Variants in FMN1 observed in about 807,000 individuals in gnomAD.
The protein encoded by FMN1 is formin 1.
FMN1 carries 110 observed loss-of-function variants against 132.4 expected under a neutral mutation model. The ratio of observed to expected loss-of-function variants is 0.83; its 90% CI spans 0.71 to 0.97. FMN1 has a LOEUF of 0.97. Ranked by LOEUF, FMN1 falls within the 50% of genes least tolerant of loss-of-function variation. The probability of loss-of-function intolerance (pLI) is 0.00; values close to 1 mark genes in which losing one functional copy is unlikely to be tolerated. For synonymous variants in FMN1, 722 were observed against 651.7 expected (o/e 1.11, Z -1.64); for missense variants, 1,792 against 1,705.3 (o/e 1.05, Z -0.90).
intron 4 of FMN1, among the ~76,000 whole-genome samples, chr15:33,104,661 C>G (rs2039416592): frequency 2.0e-5 from 3 of 151,962 alleles, no homozygotes; most frequent in Admixed American, 1.3e-4. Flanking sequence ...ATTCCTGAAG[C>G]AATGTTTTCC....
intron 9 of FMN1, among the ~76,000 whole-genome samples, chr15:32,950,583 T>C (rs766566161): frequency 3.3e-5 from 5 of 151,998 alleles, no homozygotes; most frequent in Non-Finnish European, 5.9e-5. Context: ...TAAACTAACA[T>C]AGGAACAGAA....
At chr15:33,143,572 G>A (rs1964093911) in intron 4 of FMN1, among the ~76,000 whole-genome samples, 1 of 152,082 alleles carries the variant, frequency 6.6e-6, no homozygotes, top group Admixed American at 6.5e-5. Context: ...ATCACTAGCA[G>A]AAACAGGTTC....
chr15:33,066,594 T>C, intron 5 of FMN1: 1 of 1,613,622 alleles, frequency 6.2e-7, no homozygotes. Context: ...TCATGTCTCA[T>C]CTTGCGCTTG....
chr15:33,120,996 G>GT (rs1962499623), intron 4 of FMN1, among the ~76,000 whole-genome samples: 1 of 151,994 alleles, frequency 6.6e-6, no homozygotes. Flanking sequence ...CTTGATAGAG[G>GT]TTTTAGTCTT....
chr15:33,033,070 G>T (rs973480980), intron 6 of FMN1, among the ~76,000 whole-genome samples: 2 of 152,198 alleles, frequency 1.3e-5, no homozygotes, highest in South Asian at 2.1e-4. Flanking sequence ...TCGCTCTGTC[G>T]CCCAGGATGG....
chr15:32,812,318 A>G (rs567435356), intron 17 of FMN1, among the ~76,000 whole-genome samples: 24 of 152,258 alleles, frequency 1.6e-4, no homozygotes, highest in Admixed American at 1.0e-3. Context: ...TTATAATATT[A>G]AGTCATTTAC....
At chr15:32,774,426 T>A in intron 20 of FMN1, 72 bp from the exon 21 acceptor site, 2 of 1,381,670 alleles carry the variant, frequency 1.4e-6, no homozygotes, top group Non-Finnish European at 1.0e-6. Flanking sequence ...TTCTCAAATT[T>A]TGGTCTAGAA....
rs1964550008 is a variant in FMN1 at position 33,153,772 on chromosome 15, A to T, written c.1143T>A (p.His381Gln). 3 of 1,536,210 alleles carry T rather than the reference A, an allele frequency of 2.0e-6. No individual in the cohort carries two copies. In the African/African-American group the frequency reaches 4.1e-5, roughly 21 times the overall value. Residue 381 changes from histidine to glutamine, a missense_variant, in exon 4 of 21, where the codon CAT becomes CAA. Coordinates refer to ENST00000616417, the MANE Select transcript of FMN1 (RefSeq NM_001277313.2). ...LTLPGAEAGA[H>Q]GSRRQGKERQ... ...GCTCCTTGCCCTGCCGCCTGGAGCC[A>T]TGAGCCCCAGCCTCAGCTCCCGGGA... is the stretch of plus-strand genomic sequence containing the variant.
chr15:32,963,401 C>T (rs1017256864), intron 9 of FMN1, among the ~76,000 whole-genome samples: 25 of 151,588 alleles, frequency 1.6e-4, no homozygotes, highest in African/African-American at 5.3e-4. Flanking sequence ...TGCTAGATGA[C>T]GCGTTAGTGG....
intron 15 of FMN1, among the ~76,000 whole-genome samples, chr15:32,896,192 C>G (rs377618762): frequency 5.9e-5 from 9 of 151,840 alleles, no homozygotes; most frequent in South Asian, 2.1e-4. Context: ...TTTTCATGTT[C>G]TTAAGTTTTG....
At position 32,971,607 on chromosome 15, in the gene FMN1, G is replaced by A. The variant is rs77486395; in HGVS notation, c.2224-2130C>T. Among the ~76,000 whole-genome samples the A allele has an allele frequency of 4.5e-3, 682 of 152,006 alleles. 4 individuals carry two copies. The highest frequency in any genetic ancestry group is 6.6e-3 in the Non-Finnish European group (452 of 67,978). ...TTAATTTCATTCTAATGACTAGTTC[G>A]GTTCTGTCACAACAAACTAACTCTC... On this transcript the variant is annotated intron_variant, in intron 7 of 20. Coordinates refer to ENST00000616417, the MANE Select transcript of FMN1 (RefSeq NM_001277313.2).
chr15:33,092,293 G>T (rs978637779), intron 4 of FMN1, among the ~76,000 whole-genome samples: 5 of 152,126 alleles, frequency 3.3e-5, no homozygotes, highest in African/African-American at 1.2e-4. Context: ...TTTAAAACAG[G>T]AGGCAGTGTC....
intron 10 of FMN1, among the ~76,000 whole-genome samples, chr15:32,918,924 G>A (rs1347530807): frequency 6.6e-6 from 1 of 152,144 alleles, no homozygotes; most frequent in African/African-American, 2.4e-5. Context: ...AGGTGTTTTA[G>A]ACACAGCAGG....
chr15:33,028,942 A>G (rs1364195866), intron 6 of FMN1, among the ~76,000 whole-genome samples: 1 of 152,232 alleles, frequency 6.6e-6, no homozygotes, highest in Non-Finnish European at 1.5e-5. Flanking sequence ...TAAAATAGAA[A>G]ACAGATAAAT....
intron 6 of FMN1, among the ~76,000 whole-genome samples, chr15:33,008,785 G>A (rs763616255): frequency 2.0e-5 from 3 of 152,180 alleles, no homozygotes; most frequent in Non-Finnish European, 4.4e-5. Flanking sequence ...TTTATTTCCA[G>A]CAGAAATTCT....
intron 6 of FMN1, among the ~76,000 whole-genome samples, chr15:33,011,518 G>A (rs535012065): frequency 1.7e-4 from 25 of 150,684 alleles, no homozygotes; most frequent in African/African-American, 4.9e-4. Flanking sequence ...CCTCAGGATA[G>A]AAAAAAGATT....
chr15:33,004,720 T>A (rs2034315870), intron 7 of FMN1, among the ~76,000 whole-genome samples: 1 of 152,206 alleles, frequency 6.6e-6, no homozygotes, highest in Non-Finnish European at 1.5e-5. Context: ...ATCATGCTGC[T>A]ATAAAGACAC....
intron 17 of FMN1, chr15:32,836,847 C>G (rs1424503595): frequency 6.0e-6 from 1 of 165,754 alleles, no homozygotes; most frequent in Non-Finnish European, 1.5e-5. Flanking sequence ...TCCTGACACT[C>G]CTAGGTGGGA....
In FMN1 at chr15:33,151,289, GCTT is replaced by G. The variant is rs1193421518; in HGVS notation, c.1867+1756_1867+1758del. The G allele has an allele frequency of 5.9e-6, 9 of 1,536,134 alleles. No individual in the cohort carries two copies. The East Asian group carries it at 9.8e-5, about 17-fold the overall frequency. ...ACTTCTACTCTCCTTCCCTTTTCCA[GCTT>G]CTTCTTTTATAAGGTTAGAAGCACA... On this transcript the variant is annotated intron_variant, in intron 4 of 20. Coordinates refer to ENST00000616417, the MANE Select transcript of FMN1 (RefSeq NM_001277313.2).
Sources: allele counts gnomAD v4.1 joint callset (sites outside exome capture counted in the v4.1 genomes callset), GRCh38; gene constraint gnomAD v4.1.1; transcripts MANE v1.5; gene names NCBI Gene and HGNC (gene_info 2026-07-23, HGNC 2026-07-21).